NSL1: variants seen among roughly 807,000 people sequenced by gnomAD.
The protein encoded by NSL1 is NSL1 component of MIS12 kinetochore complex, also known as kinetochore-associated protein NSL1 homolog.
NSL1 carries 11 observed loss-of-function variants against 25.4 expected under a neutral mutation model. The ratio of observed to expected loss-of-function variants is 0.43; its 90% CI spans 0.27 to 0.72. The LOEUF (loss-of-function observed/expected upper bound fraction) is 0.72, where lower values mean the gene tolerates loss of function less well. Ranked by LOEUF, NSL1 falls within the 30% of genes least tolerant of loss-of-function variation. The pLI is 0.19. For missense variants in NSL1, 330 were observed against 342.7 expected (o/e 0.96, Z 0.29); for synonymous variants, 118 against 120.6 (o/e 0.98, Z 0.14).
At chr1:212,770,103 C>T (rs576351463) in intron 4 of NSL1, among the ~76,000 whole-genome samples, 1 of 151,868 alleles carries the variant, frequency 6.6e-6, no homozygotes, top group South Asian at 2.1e-4. Flanking sequence ...CAAAGGAGGC[C>T]ATTACATAAT....
At position 212,784,136 on chromosome 1, in the gene NSL1, CA is replaced by C. The variant is rs1405903195; in HGVS notation, c.444+226del. On this transcript the variant is annotated intron_variant, in intron 3 of 5. Coordinates refer to ENST00000366977, the MANE Select transcript of NSL1 (RefSeq NM_015471.4). ...AATTTTAACCACTCACTATAACTTT[CA>C]TTTTTTTCATTTTTGAACCAGTGTG... is the stretch of plus-strand genomic sequence containing the variant. 28 of 263,240 alleles carry C rather than the reference CA, an allele frequency of 1.1e-4. No homozygotes were observed. The East Asian group carries it at 1.6e-3, about 15-fold the overall frequency. 16.3% of individuals were successfully genotyped at this position (263,240 alleles called of 1,614,324 possible). A position where few individuals can be genotyped will look rare whatever the true frequency, so the allele number is the denominator to read the frequency against.
In NSL1 at chr1:212,775,186, A is replaced by C. The variant is rs539075879; in HGVS notation, c.499+7186T>G. On this transcript the variant is annotated intron_variant, in intron 4 of 5. Coordinates refer to ENST00000366977, the MANE Select transcript of NSL1 (RefSeq NM_015471.4). Reference sequence around the variant, plus strand: ...ATGATTCAATTTATATGAAATGTCCAGAATAGTCAGGTCTATAGAGATAGA... The same window carrying C: ...ATGATTCAATTTATATGAAATGTCCCGAATAGTCAGGTCTATAGAGATAGA... Among the ~76,000 whole-genome samples, 7 of 152,374 alleles carry C rather than the reference A, an allele frequency of 4.6e-5. No homozygotes were observed. The East Asian group carries it at 1.3e-3, about 29-fold the overall frequency.
Position 212,726,416 on chromosome 1 carries a change from A to G in NSL1, c.*11992T>C, listed in dbSNP as rs1006358104. ...GTTTTTGGGAGGTAACACTGTCCCT[A>G]TGGGAAGACTTGGTATTTTTCAGAT... is the stretch of plus-strand genomic sequence containing the variant. On this transcript the variant is annotated 3_prime_UTR_variant, in exon 6 of 6. Coordinates refer to ENST00000366977, the MANE Select transcript of NSL1 (RefSeq NM_015471.4). 1.3e-5 allele frequency: 2 copies of G among 152,290 alleles called. No individual in the cohort carries two copies. Among genetic ancestry groups the G allele is most frequent in the African/African-American group, 4.8e-5 (2 of 41,448 alleles). The allele number at this position is 152,290 out of a possible 1,614,324, so 9.4% of individuals were successfully genotyped here.
At chr1:212,757,367 G>C (rs1237602000) in intron 4 of NSL1, among the ~76,000 whole-genome samples, 1 of 152,144 alleles carries the variant, frequency 6.6e-6, no homozygotes, top group Non-Finnish European at 1.5e-5. Flanking sequence ...GAAATTGTTT[G>C]GATGCTGTGT....
In NSL1 at chr1:212,732,580, C is replaced by G. The variant is rs1488534857; in HGVS notation, c.*5828G>C. 2 of 982,084 alleles carry G rather than the reference C, an allele frequency of 2.0e-6. No homozygotes were observed. The highest frequency in any genetic ancestry group is 2.4e-6 in the Non-Finnish European group (2 of 826,984). The allele number at this position is 982,084 out of a possible 1,614,324, so 60.8% of individuals were successfully genotyped here. Reference sequence around the variant, plus strand: ...AGGTGCTGGGATTACAGGTGTGAGCCACCGCACCCGGCCTACATAGTCTTA... The same window carrying G: ...AGGTGCTGGGATTACAGGTGTGAGCGACCGCACCCGGCCTACATAGTCTTA... On this transcript the variant is annotated 3_prime_UTR_variant, in exon 6 of 6. Transcript: ENST00000366977.
rs1472902120 is a variant in NSL1 at position 212,732,924 on chromosome 1, T to C, written c.*5484A>G. ...CTCCAGATGCTTCTAGATTTTAGGATTGTTGTTTAGTAATCTGATGCCATT... is the reference window on the plus strand; with the variant it reads ...CTCCAGATGCTTCTAGATTTTAGGACTGTTGTTTAGTAATCTGATGCCATT... On this transcript the variant is annotated 3_prime_UTR_variant, in exon 6 of 6. Coordinates refer to ENST00000366977, the MANE Select transcript of NSL1 (RefSeq NM_015471.4). Among the ~76,000 whole-genome samples, 2 of 152,182 alleles carry C rather than the reference T, an allele frequency of 1.3e-5. No individual in the cohort carries two copies. The highest frequency in any genetic ancestry group is 2.1e-4 in the South Asian group (1 of 4,828).
In NSL1 at chr1:212,737,480, AATAAGAGCT is replaced by A. The variant is rs964198601; in HGVS notation, c.*919_*927del. ...CTACACTGTATAATGTAAGACACAC[AATAAGAGCT>A]ATAAGAAACTATAGTTAAATGTTAG... On this transcript the variant is annotated 3_prime_UTR_variant, in exon 6 of 6. Coordinates refer to ENST00000366977, the MANE Select transcript of NSL1 (RefSeq NM_015471.4). 2.6e-5 allele frequency: 26 copies of A among 984,796 alleles called. No individual in the cohort carries two copies. The Middle Eastern group carries it at 1.6e-3, about 59-fold the overall frequency. 61.0% of individuals were successfully genotyped at this position (984,796 alleles called of 1,614,324 possible).
At position 212,731,668 on chromosome 1, in the gene NSL1, C is replaced by T; in HGVS notation, c.*6740G>A. 1.0e-6 allele frequency: 1 copy of T among 985,448 alleles called. No individual in the cohort carries two copies. The allele number at this position is 985,448 out of a possible 1,614,324, so 61.0% of individuals were successfully genotyped here. A position where few individuals can be genotyped will look rare whatever the true frequency, so the allele number is the denominator to read the frequency against. ...ACTTCGTCAGCTCTTTATTCTGCTG[C>T]ACTAAATTATATCCATATTGTATGA... is the stretch of plus-strand genomic sequence containing the variant. On this transcript the variant is annotated 3_prime_UTR_variant, in exon 6 of 6. Coordinates refer to ENST00000366977, the MANE Select transcript of NSL1 (RefSeq NM_015471.4).
intron 5 of NSL1, 83 bp downstream of exon 5, chr1:212,739,451 C>T (rs1658395563): frequency 1.5e-6 from 2 of 1,309,850 alleles, no homozygotes; most frequent in Non-Finnish European, 2.2e-6. Flanking sequence ...TTAGAGCAGA[C>T]TAAAACACAT....
intron 1 of NSL1, among the ~76,000 whole-genome samples, chr1:212,788,138 G>GT (rs1304150854): frequency 2.0e-5 from 3 of 152,220 alleles, no homozygotes; most frequent in Admixed American, 1.3e-4. Flanking sequence ...CGTAGGCCAG[G>GT]TGCAGTGGCT....
intron 1 of NSL1, among the ~76,000 whole-genome samples, chr1:212,789,948 G>A (rs1006152344): frequency 2.0e-5 from 3 of 152,114 alleles, no homozygotes. Context: ...AGGGAATGAC[G>A]TAAGAGTCAC....
At chr1:212,742,162 C>T (rs1162880398) in intron 4 of NSL1, among the ~76,000 whole-genome samples, 1 of 152,074 alleles carries the variant, frequency 6.6e-6, no homozygotes, top group Admixed American at 6.6e-5. Context: ...TAATATTCAT[C>T]AAAATATGTA....
chr1:212,791,209 T>C (rs889247245), intron 1 of NSL1, among the ~76,000 whole-genome samples: 2 of 152,258 alleles, frequency 1.3e-5, no homozygotes, highest in African/African-American at 4.8e-5. Context: ...TTATTACATG[T>C]TAAAATACCT....
intron 4 of NSL1, among the ~76,000 whole-genome samples, chr1:212,767,992 C>T (rs1659898220): frequency 6.6e-6 from 1 of 152,150 alleles, no homozygotes; most frequent in African/African-American, 2.4e-5. Flanking sequence ...ATTAGTACAA[C>T]CACTATTGAA....
rs1024129338 is a variant in NSL1 at position 212,738,261 on chromosome 1, C to T, written c.*147G>A. 114 of 1,415,482 alleles carry T rather than the reference C, an allele frequency of 8.1e-5. No individual in the cohort carries two copies. Among genetic ancestry groups the T allele is most frequent in the Admixed American group, 2.0e-4 (7 of 35,782 alleles). 87.7% of individuals were successfully genotyped at this position (1,415,482 alleles called of 1,614,324 possible). On this transcript the variant is annotated 3_prime_UTR_variant, in exon 6 of 6. Transcript: ENST00000366977. ...GAAATACAATATTATATCATATCCC[C>T]GCACAGAGATACTATATCTGTATAA...
intron 4 of NSL1, among the ~76,000 whole-genome samples, chr1:212,752,055 C>G (rs1194342050): frequency 1.3e-5 from 2 of 152,184 alleles, no homozygotes; most frequent in Non-Finnish European, 2.9e-5. Context: ...ACTACTTACC[C>G]TTCTCACCAC....
rs1385411866 is a variant in NSL1 at position 212,736,309 on chromosome 1, C to A, written c.*2099G>T. On this transcript the variant is annotated 3_prime_UTR_variant, in exon 6 of 6. Transcript: ENST00000366977. ...AAAGTGCTGGGATTACAGGCATGAG[C>A]CCACCGCGCCTGGCTATTTCTTTTC... 3.0e-5 allele frequency: 29 copies of A among 980,148 alleles called. No individual in the cohort carries two copies. Among genetic ancestry groups the A allele is most frequent in the Non-Finnish European group, 3.3e-5 (27 of 825,310 alleles). 60.7% of individuals were successfully genotyped at this position (980,148 alleles called of 1,614,324 possible). A position where few individuals can be genotyped will look rare whatever the true frequency, so the allele number is the denominator to read the frequency against.
rs1657988516 is a variant in NSL1, at chr1:212,730,956, C to G, written c.*7452G>C. 2.0e-6 allele frequency: 2 copies of G among 985,332 alleles called. No individual in the cohort carries two copies. Among genetic ancestry groups the G allele is most frequent in the Non-Finnish European group, 2.4e-6 (2 of 829,884 alleles). 61.0% of individuals were successfully genotyped at this position (985,332 alleles called of 1,614,324 possible). A position where few individuals can be genotyped will look rare whatever the true frequency, so the allele number is the denominator to read the frequency against. Reference sequence around the variant, plus strand: ...TTGCAATATGAACTCATTCATTCAACGAATATTAGTTTACAGCCCATGGGC... The same window carrying G: ...TTGCAATATGAACTCATTCATTCAAGGAATATTAGTTTACAGCCCATGGGC... On this transcript the variant is annotated 3_prime_UTR_variant, in exon 6 of 6. Coordinates refer to ENST00000366977, the MANE Select transcript of NSL1 (RefSeq NM_015471.4).
At chr1:212,752,633 C>T (rs1571879491) in intron 4 of NSL1, among the ~76,000 whole-genome samples, 1 of 152,152 alleles carries the variant, frequency 6.6e-6, no homozygotes, top group Admixed American at 6.5e-5. Context: ...TCAAATGAGA[C>T]CACATCTTAT....
Sources: gnomAD v4.1 joint callset for allele counts (sites outside exome capture counted in the v4.1 genomes callset) on GRCh38, gnomAD v4.1.1 for gene constraint, MANE v1.5 for transcripts, NCBI Gene and HGNC (gene_info 2026-07-23, HGNC 2026-07-21) for gene names.